The following SVEP1 variants were observed in gnomAD, a reference collection of about 807,000 sequenced individuals.
SVEP1 encodes sushi, von Willebrand factor type A, EGF and pentraxin domain containing 1.
In SVEP1, 164 loss-of-function variants were observed where a neutral mutation model predicts 367.3. That is an observed-to-expected ratio of 0.45 (90% CI 0.39 to 0.51). The LOEUF (loss-of-function observed/expected upper bound fraction) is 0.51, where lower values mean the gene tolerates loss of function less well. Ranked by LOEUF, SVEP1 falls within the 20% of genes least tolerant of loss-of-function variation. The probability of loss-of-function intolerance (pLI) is 0.00; values close to 1 mark genes in which losing one functional copy is unlikely to be tolerated. For missense variants in SVEP1, 4,117 were observed against 4,425.3 expected (o/e 0.93, Z 1.98); for synonymous variants, 1,666 against 1,611.6 (o/e 1.03, Z -0.81).
At chr9:110,517,592 T>G (rs986997181) in intron 3 of SVEP1, among the ~76,000 whole-genome samples, 10 of 91,176 alleles carry the variant, frequency 1.1e-4, no homozygotes, top group African/African-American at 4.4e-4. Flanking sequence ...AGCAAGACGC[T>G]ATCTCAAAAA....
intron 40 of SVEP1, among the ~76,000 whole-genome samples, chr9:110,389,876 G>T (rs765397904): frequency 7.6e-6 from 1 of 132,170 alleles, no homozygotes; most frequent in Middle Eastern, 3.6e-3. Flanking sequence ...GACTGACAAA[G>T]AATGCATTAG....
chr9:110,564,467 C>T (rs1474246125), intron 1 of SVEP1, among the ~76,000 whole-genome samples: 4 of 152,044 alleles, frequency 2.6e-5, no homozygotes, highest in Non-Finnish European at 5.9e-5. Flanking sequence ...CTTGAAAAAG[C>T]CAAATATATT....
chr9:110,541,947 T>C (rs1252830087), intron 3 of SVEP1, among the ~76,000 whole-genome samples: 4 of 150,316 alleles, frequency 2.7e-5, no homozygotes, highest in South Asian at 2.1e-4. Context: ...TTTATACATA[T>C]CTATGTACAT....
At chr9:110,543,546 G>A (rs1468843564) in intron 3 of SVEP1, among the ~76,000 whole-genome samples, 39 of 152,164 alleles carry the variant, frequency 2.6e-4, no homozygotes, top group Non-Finnish European at 2.9e-5. Context: ...TTGGGTAACT[G>A]GGGGCAGTGG....
At chr9:110,375,329 C>T (rs1283325972) in intron 46 of SVEP1, 39 bp downstream of exon 46, 3 of 1,512,686 alleles carry the variant, frequency 2.0e-6, no homozygotes, top group South Asian at 2.4e-5. Flanking sequence ...GTTTCATGGG[C>T]CTGAGCCACC....
At chr9:110,509,204 T>G (rs190979637) in intron 5 of SVEP1, among the ~76,000 whole-genome samples, 1 of 152,346 alleles carries the variant, frequency 6.6e-6, no homozygotes, top group Non-Finnish European at 1.5e-5. Context: ...GATTTTAAGA[T>G]GCATCTCCAT....
intron 1 of SVEP1, among the ~76,000 whole-genome samples, chr9:110,551,065 T>A (rs1323166600): frequency 6.6e-6 from 1 of 152,158 alleles, no homozygotes; most frequent in Admixed American, 6.5e-5. Flanking sequence ...AAAAATAAAT[T>A]AATTTTTAAA....
Position 110,447,072 on chromosome 9 carries a change from A to T in SVEP1, c.4104-15T>A. On this transcript the variant is annotated splice_polypyrimidine_tract_variant and intron_variant, in intron 24 of 47. Coordinates refer to ENST00000374469, the MANE Select transcript of SVEP1 (RefSeq NM_153366.4). ...CACACAGGCATCTGAAAGAAAACAAAATGTTGTAACAATTAGAACAGTTGT... is the reference window on the plus strand; with the variant it reads ...CACACAGGCATCTGAAAGAAAACAATATGTTGTAACAATTAGAACAGTTGT... 6.8e-7 allele frequency: 1 copy of T among 1,470,790 alleles called. No individual in the cohort carries two copies. The highest frequency in any genetic ancestry group is 9.0e-7 in the Non-Finnish European group (1 of 1,112,878). 91.1% of individuals were successfully genotyped at this position (1,470,790 alleles called of 1,614,324 possible).
intron 43 of SVEP1, 127 bp from the exon 44 acceptor site, chr9:110,379,644 C>A: frequency 2.1e-6 from 2 of 939,702 alleles, no homozygotes; most frequent in Non-Finnish European, 3.1e-6. Context: ...ACCTACTTAT[C>A]TAGAATAGTA....
chr9:110,572,400 A>G (rs1830575487), intron 1 of SVEP1, among the ~76,000 whole-genome samples: 1 of 152,238 alleles, frequency 6.6e-6, no homozygotes. Flanking sequence ...TAACACTGGC[A>G]GCCAATAATA....
At position 110,553,218 on chromosome 9, in the gene SVEP1, C is replaced by T. The variant is rs958256881; in HGVS notation, c.532-3114G>A. Among the ~76,000 whole-genome samples, 14 of 152,214 alleles carry T rather than the reference C, an allele frequency of 9.2e-5. No individual in the cohort carries two copies. In the East Asian group the frequency reaches 9.6e-4, roughly 10 times the overall value. On this transcript the variant is annotated intron_variant, in intron 1 of 47. Coordinates refer to ENST00000374469, the MANE Select transcript of SVEP1 (RefSeq NM_153366.4). Reference sequence around the variant, plus strand: ...ACTTTGCCCAAGCCCCAGAGCTTCACGTCAACTACAGGGAGGAAGGGAAGA... The same window carrying T: ...ACTTTGCCCAAGCCCCAGAGCTTCATGTCAACTACAGGGAGGAAGGGAAGA...
chr9:110,491,881 C>A (rs1829371806), intron 8 of SVEP1, among the ~76,000 whole-genome samples: 2 of 151,998 alleles, frequency 1.3e-5, no homozygotes, highest in Admixed American at 1.3e-4. Flanking sequence ...AAAGCTATGA[C>A]TGTACATAAA....
Position 110,458,987 on chromosome 9 carries a change from G to A in SVEP1, c.3449C>T (p.Pro1150Leu). ...TGTGATGGATCTGGAACCAGCGAAT[G>A]GGGTAGTTCCATAAAAGGGACAGGC... Reference protein sequence around the residue: ...CLACPFYGTTPFAGSRSITEC... With the variant: ...CLACPFYGTTLFAGSRSITEC... Residue 1150 changes from proline (P) to leucine (L), a missense_variant, in exon 19 of 48, where the codon CCA becomes CTA. By Grantham distance (98) the Pro-to-Leu change is moderately conservative. Transcript: ENST00000374469. 6.2e-7 allele frequency: 1 copy of A among 1,613,708 alleles called. No individual in the cohort carries two copies. Among genetic ancestry groups the A allele is most frequent in the Non-Finnish European group, 8.5e-7 (1 of 1,179,710 alleles).
intron 13 of SVEP1, among the ~76,000 whole-genome samples, chr9:110,476,670 C>T (rs1252168864): frequency 6.6e-6 from 1 of 152,142 alleles, no homozygotes; most frequent in African/African-American, 2.4e-5. Context: ...TCCTCTATGC[C>T]CTCTGAAGCT....
chr9:110,405,368 T>C (rs2118486404), intron 38 of SVEP1, among the ~76,000 whole-genome samples: 1 of 151,858 alleles, frequency 6.6e-6, no homozygotes, highest in Admixed American at 6.6e-5. Flanking sequence ...ATAATTCATA[T>C]GTATTATGAA....
At chr9:110,560,680 T>G (rs1830416623) in intron 1 of SVEP1, among the ~76,000 whole-genome samples, 1 of 152,178 alleles carries the variant, frequency 6.6e-6, no homozygotes, top group Admixed American at 6.5e-5. Flanking sequence ...GGTTCCCTCC[T>G]CCTGTTTTCA....
intron 1 of SVEP1, among the ~76,000 whole-genome samples, chr9:110,570,781 G>A (rs80025653): frequency 0.08 from 12,077 of 151,852 alleles, 509 homozygotes; most frequent in Non-Finnish European, 0.099. Context: ...ATATTTAAAT[G>A]AGTTGCTTAG....
intron 3 of SVEP1, 112 bp downstream of exon 3, chr9:110,546,003 G>C: frequency 4.6e-6 from 6 of 1,302,148 alleles, no homozygotes; most frequent in Non-Finnish European, 6.3e-6. Flanking sequence ...ATGTGCCACT[G>C]ACCCCACACA....
chr9:110,385,265 G>T (rs2118960692), intron 43 of SVEP1, among the ~76,000 whole-genome samples: 1 of 152,344 alleles, frequency 6.6e-6, no homozygotes, highest in Non-Finnish European at 1.5e-5. Flanking sequence ...ACAGGTGTGA[G>T]CCACCGCACC....
Sources: gnomAD v4.1 joint callset for allele counts (sites outside exome capture counted in the v4.1 genomes callset) on GRCh38, gnomAD v4.1.1 for gene constraint, MANE v1.5 for transcripts, NCBI Gene and HGNC (gene_info 2026-07-23, HGNC 2026-07-21) for gene names.